POT1: variants seen among roughly 807,000 people sequenced by gnomAD.
The protein encoded by POT1 is protection of telomeres protein 1.
A neutral mutation model predicts 78.5 loss-of-function variants in POT1; 47 were observed. The ratio of observed to expected loss-of-function variants is 0.60; its 90% CI spans 0.47 to 0.76. The LOEUF (loss-of-function observed/expected upper bound fraction) is 0.76, where lower values mean the gene tolerates loss of function less well. Ranked by LOEUF, POT1 falls within the 30% of genes least tolerant of loss-of-function variation. POT1 has a pLI of 0.00. For missense variants in POT1, 646 were observed against 749.9 expected, an observed-to-expected ratio of 0.86 and a Z score of 1.62; for synonymous variants, 259 against 260.7, an observed-to-expected ratio of 0.99 and a Z score of 0.06.
chr7:124,917,042 A>C (rs1797030653), intron 2 of POT1, among the ~76,000 whole-genome samples: 1 of 152,134 alleles, frequency 6.6e-6, no homozygotes, highest in South Asian at 2.1e-4. Flanking sequence ...ACAGAAAAAA[A>C]CACCTTCTAT....
At chr7:124,925,966 T>C (rs1300159836) in intron 2 of POT1, among the ~76,000 whole-genome samples, 1 of 151,926 alleles carries the variant, frequency 6.6e-6, no homozygotes, top group Non-Finnish European at 1.5e-5. Flanking sequence ...TTAAGACGGA[T>C]TAAAGATTTG....
At chr7:124,882,372 T>C (rs1223680568) in intron 6 of POT1, among the ~76,000 whole-genome samples, 1 of 152,040 alleles carries the variant, frequency 6.6e-6, no homozygotes, top group Non-Finnish European at 1.5e-5. Context: ...GTCATCTTAC[T>C]TCTTTTACAA....
chr7:124,827,055 T>C lies in POT1; in HGVS notation c.1686+159A>G, dbSNP rs548868807. On this transcript the variant is annotated intron_variant, in intron 17 of 18. Transcript: ENST00000357628. ...ATTTAGTGTCAAATAAAAAAAGAGA[T>C]ACATACACAGATGATTCAAGATTTA... 1.9e-5 allele frequency: 7 copies of C among 375,642 alleles called. No homozygotes were observed. The South Asian group carries it at 7.1e-4, about 38-fold the overall frequency. 23.3% of individuals were successfully genotyped at this position (375,642 alleles called of 1,614,324 possible). A position where few individuals can be genotyped will look rare whatever the true frequency, so the allele number is the denominator to read the frequency against.
At chr7:124,852,045 T>A in intron 10 of POT1, 94 bp from the exon 11 acceptor site, 1 of 845,256 alleles carries the variant, frequency 1.2e-6, no homozygotes, top group South Asian at 1.6e-5. Flanking sequence ...TCATTGAAAT[T>A]GTATATAAAA....
chr7:124,866,302 T>C (rs1267255028), intron 7 of POT1, among the ~76,000 whole-genome samples: 1 of 95,086 alleles, frequency 1.1e-5, no homozygotes, highest in Non-Finnish European at 2.3e-5. Context: ...GGTGAGCTAC[T>C]TTTGGGGGGT....
chr7:124,909,652 A>G (rs1796843902), intron 3 of POT1, among the ~76,000 whole-genome samples: 1 of 151,962 alleles, frequency 6.6e-6, no homozygotes, highest in East Asian at 1.9e-4. Flanking sequence ...AACCTCTGTT[A>G]TCTGACAGGT....
At chr7:124,849,600 T>G (rs1258279318) in intron 11 of POT1, among the ~76,000 whole-genome samples, 1 of 152,144 alleles carries the variant, frequency 6.6e-6, no homozygotes, top group African/African-American at 2.4e-5. Flanking sequence ...GTGCATAACC[T>G]TAGATACATC....
chr7:124,840,690 G>A (rs1795005417), intron 14 of POT1: 1 of 218,628 alleles, frequency 4.6e-6, no homozygotes, highest in South Asian at 8.0e-5. Context: ...TACTTAACTA[G>A]ACAATCAGCT....
chr7:124,917,079 T>C (rs967020464), intron 2 of POT1, among the ~76,000 whole-genome samples: 1 of 151,942 alleles, frequency 6.6e-6, no homozygotes, highest in Non-Finnish European at 1.5e-5. Flanking sequence ...CAGGAACGGG[T>C]ACATAGGTGT....
At chr7:124,849,452 CT>C (rs1584763324) in intron 11 of POT1, among the ~76,000 whole-genome samples, 1 of 152,144 alleles carries the variant, frequency 6.6e-6, no homozygotes, top group East Asian at 1.9e-4. Flanking sequence ...CTTTCACCTG[CT>C]TAACTGTCAA....
chr7:124,838,471 A>G (rs1369183297), intron 14 of POT1, among the ~76,000 whole-genome samples: 1 of 152,210 alleles, frequency 6.6e-6, no homozygotes, highest in Non-Finnish European at 1.5e-5. Context: ...TGGATTTATA[A>G]GGTTTATCTG....
intron 18 of POT1, 108 bp downstream of exon 18, chr7:124,825,144 A>C (rs1354382082): frequency 3.3e-6 from 2 of 602,488 alleles, no homozygotes; most frequent in Non-Finnish European, 5.6e-6. Context: ...TACTTAGTAA[A>C]TCATTTGGAA....
intron 8 of POT1, among the ~76,000 whole-genome samples, chr7:124,860,255 T>C (rs1418746513): frequency 6.6e-6 from 1 of 152,050 alleles, no homozygotes; most frequent in African/African-American, 2.4e-5. Context: ...TAAATGAAAC[T>C]ACAGTAATCA....
chr7:124,874,648 T>C (rs572862120), intron 6 of POT1, among the ~76,000 whole-genome samples: 3 of 151,290 alleles, frequency 2.0e-5, no homozygotes, highest in South Asian at 2.1e-4. Context: ...GGCAGGAGAA[T>C]CGCTTGAGCC....
At chr7:124,862,084 T>C (rs1031553904) in intron 8 of POT1, among the ~76,000 whole-genome samples, 2 of 152,108 alleles carry the variant, frequency 1.3e-5, no homozygotes, top group South Asian at 2.1e-4. Flanking sequence ...CTTGGCTATA[T>C]GGGCTCTTTT....
At chr7:124,861,576 C>CT (rs1795599584) in intron 8 of POT1, among the ~76,000 whole-genome samples, 1 of 152,138 alleles carries the variant, frequency 6.6e-6, no homozygotes, top group African/African-American at 2.4e-5. Context: ...ATGATAGTTT[C>CT]TCTTGCTGTG....
chr7:124,921,469 AAAAT>A (rs1227507980), intron 2 of POT1, among the ~76,000 whole-genome samples: 9 of 152,004 alleles, frequency 5.9e-5, no homozygotes, highest in Admixed American at 6.6e-5. Context: ...AAATTCCAGG[AAAAT>A]AAATAGAAAT....
intron 9 of POT1, among the ~76,000 whole-genome samples, chr7:124,855,168 TAAACA>T (rs1562988892): frequency 5.0e-5 from 3 of 60,496 alleles, no homozygotes; most frequent in African/African-American, 6.9e-5. Context: ...AAAAGGATAA[TAAACA>T]TAGGTATACG....
At chr7:124,840,754 G>C (rs1051582617) in intron 14 of POT1, 5 of 364,588 alleles carry the variant, frequency 1.4e-5, no homozygotes, top group Non-Finnish European at 2.5e-5. Context: ...GTTAACACTT[G>C]AGTCTGAAGT....
Sources: gnomAD v4.1 joint callset for allele counts (sites outside exome capture counted in the v4.1 genomes callset) on GRCh38, gnomAD v4.1.1 for gene constraint, MANE v1.5 for transcripts, NCBI Gene and HGNC (gene_info 2026-07-23, HGNC 2026-07-21) for gene names.